The following MSRB3 variants were observed in gnomAD, a reference collection of about 807,000 sequenced individuals.
MSRB3 encodes methionine-R-sulfoxide reductase B3.
MSRB3 carries 13 observed loss-of-function variants against 21.0 expected under a neutral mutation model. That is an observed-to-expected ratio of 0.62 (90% CI 0.40 to 0.98). The LOEUF is 0.98. MSRB3 is among the 50% of genes least tolerant of loss of function. The pLI, the probability that MSRB3 is intolerant of heterozygous loss-of-function variation, is 0.00. For synonymous variants in MSRB3, 87 were observed against 88.6 expected (o/e 0.98, Z 0.10); for missense variants, 199 against 230.3 (o/e 0.86, Z 0.88).
chr12:65,327,925 G>A (rs1875158977), intron 3 of MSRB3, among the ~76,000 whole-genome samples: 1 of 152,152 alleles, frequency 6.6e-6, no homozygotes, highest in African/African-American at 2.4e-5. Flanking sequence ...CAGAGATTAG[G>A]TCATTCTTAA....
intron 1 of MSRB3, among the ~76,000 whole-genome samples, chr12:65,307,542 C>G (rs1873730092): frequency 6.6e-6 from 1 of 151,944 alleles, no homozygotes. Context: ...TGGTTAAAGT[C>G]ACTTAAAATG....
chr12:65,424,304 C>T (rs1386923511), intron 5 of MSRB3, among the ~76,000 whole-genome samples: 2 of 150,590 alleles, frequency 1.3e-5, no homozygotes, highest in African/African-American at 2.4e-5. Context: ...TTTGTCTAGT[C>T]TCTATTTATT....
At chr12:65,353,855 G>T (rs568730556) in intron 4 of MSRB3, among the ~76,000 whole-genome samples, 2 of 151,768 alleles carry the variant, frequency 1.3e-5, no homozygotes, top group East Asian at 3.9e-4. Context: ...TTTTTGCAGC[G>T]GCTGGTACTG....
At chr12:65,411,112 G>T (rs1383120873) in intron 5 of MSRB3, among the ~76,000 whole-genome samples, 1 of 152,136 alleles carries the variant, frequency 6.6e-6, no homozygotes, top group Non-Finnish European at 1.5e-5. Context: ...TCAGTAAATA[G>T]AGGCCTGTTT....
intron 5 of MSRB3, among the ~76,000 whole-genome samples, chr12:65,441,840 G>A (rs1882396037): frequency 6.6e-6 from 1 of 151,942 alleles, no homozygotes; most frequent in South Asian, 2.1e-4. Flanking sequence ...TAATATATTA[G>A]GGAATGTACA....
At chr12:65,319,626 T>C (rs1234686527) in intron 2 of MSRB3, among the ~76,000 whole-genome samples, 1 of 152,186 alleles carries the variant, frequency 6.6e-6, no homozygotes, top group African/African-American at 2.4e-5. Flanking sequence ...CACTACCTTA[T>C]TTATTTTTAA....
rs146736297 is a variant in MSRB3 at position 65,407,112 on chromosome 12, A to G, written c.292+38086A>G. On this transcript the variant is annotated intron_variant, in intron 5 of 6. Transcript: ENST00000308259. ...ATAGTACTAGCATAAAAACAGACAC[A>G]TAGGCCAATGGAGCAGTGTAGAGAG... Among the ~76,000 whole-genome samples, 505 of 152,356 alleles carry G rather than the reference A, an allele frequency of 3.3e-3. 5 individuals are homozygous for G. Among genetic ancestry groups the G allele is most frequent in the African/African-American group, 0.011 (469 of 41,582 alleles).
chr12:65,432,371 C>T lies in MSRB3; in HGVS notation c.293-21357C>T, dbSNP rs146918170. ...ATTCTGGCACAGGACTGTTTTGTGG[C>T]AAGGAAAGATGAATGGATTCCAAAA... On this transcript the variant is annotated intron_variant, in intron 5 of 6. Transcript: ENST00000308259. Among the ~76,000 whole-genome samples, 423 of 151,782 alleles carry T rather than the reference C, an allele frequency of 2.8e-3. 3 individuals are homozygous for T. Among genetic ancestry groups the T allele is most frequent in the Middle Eastern group, 6.8e-3 (2 of 294 alleles).
Position 65,348,844 on chromosome 12 carries a change from A to C in MSRB3, c.264-20154A>C, listed in dbSNP as rs368650091. On this transcript the variant is annotated intron_variant, in intron 4 of 6. Coordinates refer to ENST00000308259, the MANE Select transcript of MSRB3 (RefSeq NM_001031679.3). ...TATTTCTGCCTTCATTTCGTTATGT[A>C]CCCAGTAGTCATTCAGGAGCAGGTT... Among the ~76,000 whole-genome samples the C allele has an allele frequency of 1.4e-3, 217 of 152,144 alleles. 3 individuals are homozygous for C. The East Asian group carries it at 0.034, about 24-fold the overall frequency.
At chr12:65,352,808 TAAAAG>T (rs1877109479) in intron 4 of MSRB3, among the ~76,000 whole-genome samples, 1 of 149,888 alleles carries the variant, frequency 6.7e-6, no homozygotes, top group Non-Finnish European at 1.5e-5. Context: ...CTCAATGAAA[TAAAAG>T]AGGATACAAA....
intron 1 of MSRB3, 106 bp downstream of exon 1, chr12:65,278,971 G>T (rs1040276872): frequency 2.7e-6 from 4 of 1,499,952 alleles, no homozygotes; most frequent in Non-Finnish European, 3.6e-6. Flanking sequence ...TGCGCCTGCT[G>T]CGCCCCCTCG....
At chr12:65,300,048 G>A (rs1873222209) in intron 1 of MSRB3, among the ~76,000 whole-genome samples, 2 of 152,110 alleles carry the variant, frequency 1.3e-5, no homozygotes, top group South Asian at 4.1e-4. Context: ...GATTTTCCTT[G>A]TATTTGTTGA....
At chr12:65,401,686 T>C (rs1880133397) in intron 5 of MSRB3, among the ~76,000 whole-genome samples, 1 of 152,152 alleles carries the variant, frequency 6.6e-6, no homozygotes, top group South Asian at 2.1e-4. Flanking sequence ...CATTAGTTGA[T>C]GCAGTTTCTT....
chr12:65,428,775 A>G (rs1202101040), intron 5 of MSRB3, among the ~76,000 whole-genome samples: 1 of 152,128 alleles, frequency 6.6e-6, no homozygotes, highest in South Asian at 2.1e-4. Flanking sequence ...TCCCACCCCC[A>G]TCTTTAGCAA....
intron 5 of MSRB3, among the ~76,000 whole-genome samples, chr12:65,424,819 G>A (rs1042717271): frequency 6.7e-6 from 1 of 150,114 alleles, no homozygotes; most frequent in Non-Finnish European, 1.5e-5. Context: ...ATGTCTGTTA[G>A]GTCTGTTTGG....
chr12:65,339,281 A>G (rs534763550), intron 4 of MSRB3, among the ~76,000 whole-genome samples: 4 of 152,170 alleles, frequency 2.6e-5, no homozygotes, highest in Admixed American at 2.6e-4. Context: ...TGCCAGTAGC[A>G]TTGTCCCCAC....
intron 2 of MSRB3, among the ~76,000 whole-genome samples, chr12:65,319,524 AC>A (rs1874524173): frequency 6.6e-6 from 1 of 152,072 alleles, no homozygotes; most frequent in African/African-American, 2.4e-5. Flanking sequence ...TTTACACAAA[AC>A]TTTGCACATA....
In MSRB3 at chr12:65,386,071, G is replaced by T. The variant is rs1879184116; in HGVS notation, c.292+17045G>T. On this transcript the variant is annotated intron_variant, in intron 5 of 6. Transcript: ENST00000308259. ...TACTTACTTAAAAATCATTTTTTAA[G>T]AATTCCATTAAGCATTACAGCATCA... is the stretch of plus-strand genomic sequence containing the variant. Among the ~76,000 whole-genome samples the T allele has an allele frequency of 3.3e-5, 5 of 151,924 alleles. No individual in the cohort carries two copies. In the South Asian group the frequency reaches 1.0e-3, roughly 32 times the overall value.
intron 5 of MSRB3, among the ~76,000 whole-genome samples, chr12:65,416,489 G>A (rs1880981833): frequency 6.6e-6 from 1 of 152,190 alleles, no homozygotes; most frequent in Non-Finnish European, 1.5e-5. Context: ...GAACATTGGA[G>A]AGCATATACA....
Sources: gnomAD v4.1 joint callset for allele counts (sites outside exome capture counted in the v4.1 genomes callset) on GRCh38, gnomAD v4.1.1 for gene constraint, MANE v1.5 for transcripts, NCBI Gene and HGNC (gene_info 2026-07-23, HGNC 2026-07-21) for gene names.